The following MAST4 variants were observed in gnomAD, a reference collection of about 807,000 sequenced individuals.
MAST4 encodes the protein microtubule-associated serine/threonine-protein kinase 4.
In MAST4, 89 loss-of-function variants were observed where a neutral mutation model predicts 162.7. The ratio of observed to expected loss-of-function variants is 0.55; its 90% CI spans 0.46 to 0.65. The LOEUF is 0.65. Among genes scored for constraint, MAST4 ranks in the 30% least tolerant of loss-of-function variants. The pLI is 0.00. For synonymous variants in MAST4, 1,479 were observed against 1,361.1 expected, an observed-to-expected ratio of 1.09 and a Z score of -1.91; for missense variants, 3,153 against 3,374.0, an observed-to-expected ratio of 0.93 and a Z score of 1.62.
In MAST4 at chr5:67,166,173, A is replaced by G. The variant is rs758667468; in HGVS notation, c.6994A>G (p.Lys2332Glu). ...TGGTGAAAAGCAAACCCTGTCTCCA[A>G]AGCACCCCAAACCATCCACTGTGAA... ...AVGEKQTLSP[K>E]HPKPSTVKDC... Residue 2332 changes from lysine to glutamate, a missense_variant, in exon 29 of 29, where the codon AAG (lysine) becomes GAG (glutamate). By Grantham distance (56) the Lys-to-Glu change is moderately conservative (BLOSUM62 1). This residue lies in a region of MAST4 where 1,644 missense variants were observed against 1,495.0 expected (regional missense o/e 1.10). Coordinates refer to ENST00000403625, the MANE Select transcript of MAST4 (RefSeq NM_001164664.2). The G allele has an allele frequency of 1.0e-5, 16 of 1,556,962 alleles. No homozygotes were observed. The highest frequency in any genetic ancestry group is 2.4e-5 in the East Asian group (1 of 41,278).
At chr5:66,996,685 C>T (rs1241706444) in intron 4 of MAST4, among the ~76,000 whole-genome samples, 4 of 152,146 alleles carry the variant, frequency 2.6e-5, no homozygotes, top group African/African-American at 9.7e-5. Context: ...TGTCCCCTTC[C>T]TCCATCTTCA....
At chr5:66,801,545 T>C (rs1021272045) in intron 3 of MAST4, among the ~76,000 whole-genome samples, 2 of 152,240 alleles carry the variant, frequency 1.3e-5, no homozygotes, top group Non-Finnish European at 1.5e-5. Context: ...ACTGGGGTGC[T>C]CATACCCCGA....
chr5:67,036,275 A>G (rs1034895740), intron 4 of MAST4, among the ~76,000 whole-genome samples: 6 of 151,694 alleles, frequency 4.0e-5, no homozygotes, highest in Non-Finnish European at 8.8e-5. Context: ...GTGGCTAGCA[A>G]TATTTAAAAG....
chr5:66,596,820 C>T lies in MAST4; in HGVS notation c.165C>T (p.Gly55=). The change falls in exon 1 of 29, where the codon GGC becomes GGT. Residue 55 remains glycine (G), a synonymous_variant. Coordinates refer to ENST00000403625, the MANE Select transcript of MAST4 (RefSeq NM_001164664.2). ...SETLSEEGEP[G]GFSREHQPPP... is the part of the protein sequence containing the mutation. ...CTCTGTCGGAGGAAGGGGAGCCCGG[C>T]GGCTTCTCCAGAGAGCATCAGCCGC... 7.7e-7 allele frequency: 1 copy of T among 1,305,236 alleles called. No individual in the cohort carries two copies. 80.9% of individuals were successfully genotyped at this position (1,305,236 alleles called of 1,614,324 possible).
At chr5:66,640,154 G>A (rs1745393522) in intron 1 of MAST4, among the ~76,000 whole-genome samples, 1 of 151,968 alleles carries the variant, frequency 6.6e-6, no homozygotes, top group African/African-American at 2.4e-5. Flanking sequence ...TTCCACATAT[G>A]AGATAATGCA....
intron 5 of MAST4, among the ~76,000 whole-genome samples, chr5:67,064,719 A>G (rs1379598685): frequency 6.6e-6 from 1 of 152,246 alleles, no homozygotes; most frequent in Non-Finnish European, 1.5e-5. Flanking sequence ...TCCAAAAAGC[A>G]GCCAAACAGG....
chr5:67,110,437 G>C (rs1766102128), intron 11 of MAST4, among the ~76,000 whole-genome samples: 1 of 152,170 alleles, frequency 6.6e-6, no homozygotes, highest in Non-Finnish European at 1.5e-5. Flanking sequence ...AGTCAAACTT[G>C]AAATATAATC....
At chr5:66,875,304 C>A (rs774092830) in intron 3 of MAST4, among the ~76,000 whole-genome samples, 18 of 152,128 alleles carry the variant, frequency 1.2e-4, no homozygotes, top group Non-Finnish European at 2.4e-4. Flanking sequence ...TTTATAAAAG[C>A]CTTCAGGGAT....
intron 3 of MAST4, among the ~76,000 whole-genome samples, chr5:66,833,207 A>G (rs1757735739): frequency 6.6e-6 from 1 of 152,116 alleles, no homozygotes; most frequent in Non-Finnish European, 1.5e-5. Flanking sequence ...CAACGTTGTC[A>G]TCTCTGTATT....
chr5:66,726,166 G>T (rs1322694087), intron 1 of MAST4, among the ~76,000 whole-genome samples: 1 of 152,108 alleles, frequency 6.6e-6, no homozygotes, highest in Non-Finnish European at 1.5e-5. Context: ...AAGGTGGTCA[G>T]GGAAGGGAGG....
In MAST4 at chr5:67,164,964, C is replaced by T. The variant is rs747362999; in HGVS notation, c.5785C>T (p.Gln1929Ter). ...GAGAGAGGGCAGCTCCCCTAAACAC[C>T]AAGACCACACCACTGACCCCAAGCT... ...QQREGSSPKHQDHTTDPKLLT... is the reference protein window; with the variant it reads ...QQREGSSPKH The change falls in exon 29 of 29, where the codon CAA becomes TAA. Residue 1929 changes from glutamine to a stop codon, truncating the protein, a stop_gained. Transcript: ENST00000403625. LOFTEE classifies it low-confidence loss of function (END_TRUNC). The surrounding 1 kb of genome is among the most constrained non-coding windows in gnomAD (Gnocchi z 5.3). The T allele has an allele frequency of 6.2e-7, 1 of 1,613,882 alleles. No individual in the cohort carries two copies. The highest frequency in any genetic ancestry group is 1.7e-5 in the Admixed American group (1 of 60,018).
intron 4 of MAST4, among the ~76,000 whole-genome samples, chr5:67,033,308 C>T (rs1336497527): frequency 1.4e-5 from 1 of 74,068 alleles, no homozygotes; most frequent in Non-Finnish European, 2.5e-5. Context: ...TTTGGGTTTT[C>T]ATTTCTCTGT....
rs190795999 is a variant in MAST4 at position 66,939,470 on chromosome 5, T to C, written c.674+39488T>C. Among the ~76,000 whole-genome samples, 81 of 152,348 alleles carry C rather than the reference T, an allele frequency of 5.3e-4. No individual in the cohort carries two copies. In the East Asian group the frequency reaches 0.015, roughly 29 times the overall value. ...GTAAAGTGATATCTCATTGTTAATT[T>C]AATTTGAATTTCACTAACAACGTTT... On this transcript the variant is annotated intron_variant, in intron 4 of 28. Coordinates refer to ENST00000403625, the MANE Select transcript of MAST4 (RefSeq NM_001164664.2).
intron 19 of MAST4, 94 bp downstream of exon 19, chr5:67,136,758 T>G (rs938955092): frequency 3.4e-6 from 3 of 890,740 alleles, no homozygotes; most frequent in Non-Finnish European, 3.6e-6. Flanking sequence ...GCTTTTTGCA[T>G]AGGCAACATC....
intron 2 of MAST4, among the ~76,000 whole-genome samples, chr5:66,761,426 C>A (rs1426129520): frequency 1.3e-5 from 2 of 152,176 alleles, no homozygotes; most frequent in East Asian, 3.9e-4. Flanking sequence ...GTTATTTCAT[C>A]AGAGTACTTT....
At chr5:66,976,669 T>C (rs1203797582) in intron 4 of MAST4, among the ~76,000 whole-genome samples, 2 of 152,240 alleles carry the variant, frequency 1.3e-5, no homozygotes, top group Non-Finnish European at 2.9e-5. Context: ...CCGTAGGCTC[T>C]AGCATTCAGG....
chr5:66,996,606 C>T (rs1750685994), intron 4 of MAST4, among the ~76,000 whole-genome samples: 1 of 152,168 alleles, frequency 6.6e-6, no homozygotes, highest in Admixed American at 6.5e-5. Context: ...TCTAGAAGCG[C>T]TGAGGTGGAA....
At chr5:66,999,691 G>A (rs28646) in intron 4 of MAST4, among the ~76,000 whole-genome samples, 120,742 of 151,494 alleles carry the variant, frequency 0.8, 48,461 homozygotes, top group East Asian at 0.88. Context: ...TTTGTTTTGG[G>A]TTTTTTTTTT....
chr5:66,940,279 T>G (rs576244054), intron 4 of MAST4, among the ~76,000 whole-genome samples: 1 of 152,246 alleles, frequency 6.6e-6, no homozygotes, highest in South Asian at 2.1e-4. Context: ...GCGGTGACTG[T>G]GCCAATTTCT....
Sources: gnomAD v4.1 joint callset for allele counts (sites outside exome capture counted in the v4.1 genomes callset) on GRCh38, gnomAD v4.1.1 for gene constraint, gnomAD v4.1.1 regional missense constraint, Gnocchi (gnomAD v3.1) non-coding constraint, MANE v1.5 for transcripts, NCBI Gene and HGNC (gene_info 2026-07-23, HGNC 2026-07-21) for gene names.